The following SLC16A10 variants were observed in gnomAD, a reference collection of about 807,000 sequenced individuals.
SLC16A10 encodes the protein solute carrier family 16 member 10, also known as monocarboxylate transporter 10.
In SLC16A10, 27 loss-of-function variants were observed where a neutral mutation model predicts 40.0. That is an observed-to-expected ratio of 0.67 (90% CI 0.50 to 0.93). The LOEUF (loss-of-function observed/expected upper bound fraction) is 0.93, where lower values mean the gene tolerates loss of function less well. Among genes scored for constraint, SLC16A10 ranks in the 40% least tolerant of loss-of-function variants. The pLI is 0.00. For synonymous variants in SLC16A10, 213 were observed against 249.8 expected, an observed-to-expected ratio of 0.85 and a Z score of 1.39; for missense variants, 529 against 658.2, an observed-to-expected ratio of 0.80 and a Z score of 2.15.
chr6:111,153,499 C>T (rs1007038493), intron 1 of SLC16A10, among the ~76,000 whole-genome samples: 1 of 151,544 alleles, frequency 6.6e-6, no homozygotes, highest in African/African-American at 2.4e-5. Context: ...TGTGCCACTA[C>T]ACACAGCCTG....
chr6:111,182,985 G>C (rs765385574), intron 3 of SLC16A10, among the ~76,000 whole-genome samples: 2 of 152,176 alleles, frequency 1.3e-5, no homozygotes, highest in African/African-American at 2.4e-5. Flanking sequence ...TGGTCTCTCT[G>C]TTCCTTCTCT....
At chr6:111,150,639 A>T (rs1772156846) in intron 1 of SLC16A10, among the ~76,000 whole-genome samples, 1 of 152,170 alleles carries the variant, frequency 6.6e-6, no homozygotes, top group Non-Finnish European at 1.5e-5. Flanking sequence ...GGACCTCCTA[A>T]TGACAGGCCA....
intron 1 of SLC16A10, among the ~76,000 whole-genome samples, chr6:111,106,124 T>C (rs1771280783): frequency 6.6e-6 from 1 of 151,998 alleles, no homozygotes; most frequent in Admixed American, 6.6e-5. Flanking sequence ...CTGACAATTA[T>C]AGGGAAGGGA....
chr6:111,137,061 G>A (rs984728615), intron 1 of SLC16A10, among the ~76,000 whole-genome samples: 144 of 152,240 alleles, frequency 9.5e-4, no homozygotes, highest in Non-Finnish European at 1.6e-3. Flanking sequence ...AAAGGACAGA[G>A]AAATAAAAGG....
intron 1 of SLC16A10, among the ~76,000 whole-genome samples, chr6:111,140,154 AT>A (rs945614308): frequency 1.3e-5 from 2 of 152,000 alleles, no homozygotes; most frequent in Non-Finnish European, 2.9e-5. Flanking sequence ...CCTAAACCTA[AT>A]TTTTTTTAAA....
chr6:111,218,328 C>T (rs1199904154), intron 4 of SLC16A10, among the ~76,000 whole-genome samples: 2 of 152,058 alleles, frequency 1.3e-5, no homozygotes, highest in Admixed American at 6.5e-5. Context: ...GCCTGTAATC[C>T]CAGCACTTTG....
At chr6:111,184,540 G>A (rs1042501822) in intron 3 of SLC16A10, among the ~76,000 whole-genome samples, 10 of 151,492 alleles carry the variant, frequency 6.6e-5, no homozygotes, top group South Asian at 2.1e-4. Flanking sequence ...GGAGTGCAGC[G>A]GCATGCTCTC....
intron 1 of SLC16A10, among the ~76,000 whole-genome samples, chr6:111,134,156 C>T (rs1771834820): frequency 6.6e-6 from 1 of 152,152 alleles, no homozygotes; most frequent in African/African-American, 2.4e-5. Context: ...GCAGGCAGTT[C>T]CCAGTGTAGC....
chr6:111,147,457 G>GTGATT (rs1772100181), intron 1 of SLC16A10, among the ~76,000 whole-genome samples: 2 of 152,150 alleles, frequency 1.3e-5, no homozygotes, highest in African/African-American at 2.4e-5. Flanking sequence ...TAAGAATAAT[G>GTGATT]TGATTGGTCA....
intron 1 of SLC16A10, among the ~76,000 whole-genome samples, chr6:111,146,926 T>C (rs1772090190): frequency 6.6e-6 from 1 of 152,076 alleles, no homozygotes; most frequent in Non-Finnish European, 1.5e-5. Context: ...TTGAAAACTA[T>C]ACTAAATGAA....
intron 1 of SLC16A10, among the ~76,000 whole-genome samples, chr6:111,149,490 C>G (rs572374741): frequency 6.6e-6 from 1 of 152,208 alleles, no homozygotes; most frequent in East Asian, 1.9e-4. Flanking sequence ...GGTCATATGC[C>G]CAGATTAATT....
At chr6:111,111,934 A>G (rs1303662279) in intron 1 of SLC16A10, among the ~76,000 whole-genome samples, 1 of 152,128 alleles carries the variant, frequency 6.6e-6, no homozygotes, top group Non-Finnish European at 1.5e-5. Context: ...TTGATCTATA[A>G]ACTCAACAAA....
At chr6:111,186,887 C>T (rs1367832228) in intron 3 of SLC16A10, among the ~76,000 whole-genome samples, 1 of 152,104 alleles carries the variant, frequency 6.6e-6, no homozygotes, top group African/African-American at 2.4e-5. Flanking sequence ...TGTAAAAGTG[C>T]TCATTTAAAG....
chr6:111,182,310 C>CTTTTTTTTTTTTTTTTTTTTTTTTT, intron 3 of SLC16A10, among the ~76,000 whole-genome samples: 1 of 103,624 alleles, frequency 9.7e-6, no homozygotes, highest in Non-Finnish European at 1.8e-5. Flanking sequence ...CTCTGGGTTT[C>CTTTTTTTTTTTTTTTTTTTTTTTTT]TTTTTTTTTT....
At chr6:111,215,255 G>A (rs1773402077) in intron 4 of SLC16A10, among the ~76,000 whole-genome samples, 1 of 152,096 alleles carries the variant, frequency 6.6e-6, no homozygotes, top group South Asian at 2.1e-4. Flanking sequence ...CAAGACTCAT[G>A]TTATGTAAAT....
rs537283343 is a variant in SLC16A10, at chr6:111,143,353, A to AGTGTGAGCC, written c.344-29341_344-29333dup. The stretch of plus-strand genomic sequence containing the variant: ...AGCCTCCCGAAGTGCTGGGATTATA[A>AGTGTGAGCC]GTGTGAGCCACTATGCCTGACTTTT... On this transcript the variant is annotated intron_variant, in intron 1 of 5. Transcript: ENST00000368851. Among the ~76,000 whole-genome samples the AGTGTGAGCC allele has an allele frequency of 1.3e-3, 205 of 152,000 alleles. 1 individual carries two copies. Among genetic ancestry groups the AGTGTGAGCC allele is most frequent in the African/African-American group, 4.7e-3 (194 of 41,454 alleles).
chr6:111,103,227 T>C (rs1771221632), intron 1 of SLC16A10, among the ~76,000 whole-genome samples: 1 of 152,000 alleles, frequency 6.6e-6, no homozygotes, highest in Admixed American at 6.6e-5. Flanking sequence ...TTTGTTGTTG[T>C]TGTTTTTTAG....
chr6:111,087,840 C>A lies in SLC16A10; in HGVS notation c.88C>A (p.Pro30Thr). ...CCCCGCGCCCACGGGGGCCGCTCCG[C>A]CGCCCGGCCCGGGACCCTCGGACAG... Reference protein sequence around the residue: ...LGPAPTGAAPPPGPGPSDSPE... With the variant: ...LGPAPTGAAPTPGPGPSDSPE... Residue 30 changes from proline (P) to threonine (T), a missense_variant, in exon 1 of 6, where the codon CCG (proline) becomes ACG (threonine). Pro to Thr is a conservative substitution (Grantham distance 38). Coordinates refer to ENST00000368851, the MANE Select transcript of SLC16A10 (RefSeq NM_018593.5). 1 of 1,365,808 alleles carries A rather than the reference C, an allele frequency of 7.3e-7. No individual in the cohort carries two copies. The highest frequency in any genetic ancestry group is 4.1e-5 in the Admixed American group (1 of 24,466). The allele number at this position is 1,365,808 out of a possible 1,614,324, so 84.6% of individuals were successfully genotyped here. A position where few individuals can be genotyped will look rare whatever the true frequency, so the allele number is the denominator to read the frequency against.
rs1773258837 is a variant in SLC16A10, at chr6:111,206,629, A to G, written c.980A>G (p.Asn327Ser). Residue 327 changes from asparagine (N) to serine (S), a missense_variant, in exon 4 of 6, where the codon AAT becomes AGT. By Grantham distance (46) the Asn-to-Ser change is conservative (BLOSUM62 1). Transcript: ENST00000368851. ...HVNERFQDEKNKEVVLMCIGV... is the reference protein window; with the variant it reads ...HVNERFQDEKSKEVVLMCIGV... ...AATGAAAGATTTCAAGATGAAAAAA[A>G]TAAAGAGGTTGTTCTCATGTGCATT... 6.2e-7 allele frequency: 1 copy of G among 1,614,048 alleles called. No individual in the cohort carries two copies. The highest frequency in any genetic ancestry group is 8.5e-7 in the Non-Finnish European group (1 of 1,180,028).
Sources: gnomAD v4.1 joint callset for allele counts (sites outside exome capture counted in the v4.1 genomes callset) on GRCh38, gnomAD v4.1.1 for gene constraint, MANE v1.5 for transcripts, NCBI Gene and HGNC (gene_info 2026-07-23, HGNC 2026-07-21) for gene names.